Variants in FLCN observed in about 807,000 individuals in gnomAD.
FLCN encodes folliculin.
Under a neutral mutation model 62.5 loss-of-function variants are expected in FLCN, and 22 were observed. The observed-to-expected ratio is 0.35, with a 90% confidence interval of 0.25 to 0.50. FLCN has a LOEUF of 0.50. Among genes scored for constraint, FLCN ranks in the 20% least tolerant of loss-of-function variants. The probability of loss-of-function intolerance (pLI) is 0.97; values close to 1 mark genes in which losing one functional copy is unlikely to be tolerated. For synonymous variants in FLCN, 319 were observed against 310.0 expected (o/e 1.03, Z -0.30); for missense variants, 657 against 778.0 (o/e 0.84, Z 1.85).
Position 17,224,159 on chromosome 17 carries a change from C to T in FLCN, c.397-16G>A, listed in dbSNP as rs201100388. The T allele has an allele frequency of 5.4e-5, 84 of 1,561,706 alleles. No homozygotes were observed. The highest frequency in any genetic ancestry group is 1.1e-4 in the African/African-American group (8 of 73,950). ...CAGGGCAGACCTGGAGGGACACCGG[C>T]GACTCAGACAGCCCTTTCCTCGCTT... On this transcript the variant is annotated splice_polypyrimidine_tract_variant and intron_variant, in intron 5 of 13. Transcript: ENST00000285071.
Position 17,216,982 on chromosome 17 carries a change from G to T in FLCN, c.1176+87C>A. 1 of 976,610 alleles carries T rather than the reference G, an allele frequency of 1.0e-6. No individual in the cohort carries two copies. Among genetic ancestry groups the T allele is most frequent in the Admixed American group, 1.8e-5 (1 of 54,942 alleles). 60.5% of individuals were successfully genotyped at this position (976,610 alleles called of 1,614,324 possible). ...GTGCACAGCGGTTCTGTGCTGGGCA[G>T]TCGGTGCACCTTGGCATCCCCACCT... is the stretch of plus-strand genomic sequence containing the variant. On this transcript the variant is annotated intron_variant, in intron 10 of 13. Transcript: ENST00000285071. The surrounding 1 kb of genome is among the most constrained non-coding windows in gnomAD (Gnocchi z 4.0).
At chr17:17,233,896 G>A (rs982907072) in intron 1 of FLCN, among the ~76,000 whole-genome samples, 3 of 151,200 alleles carry the variant, frequency 2.0e-5, no homozygotes, top group African/African-American at 7.3e-5. Flanking sequence ...GCTAATTTTT[G>A]TATTTTAGTA....
chr17:17,216,735 C>T lies in FLCN; in HGVS notation c.1177-232G>A, dbSNP rs1048302335. On this transcript the variant is annotated intron_variant, in intron 10 of 13. Transcript: ENST00000285071. This position sits in a 1 kb window ranked among gnomAD's most constrained non-coding sequence, Gnocchi z 4.0. ...CCAGTCACACACCAGCTTGTACCGC[C>T]CCTCGCTCTGTGGTGTTAACTCATA... 1.3e-5 allele frequency among the ~76,000 whole-genome samples: 2 copies of T among 152,182 alleles called. No homozygotes were observed. The highest frequency in any genetic ancestry group is 4.8e-5 in the African/African-American group (2 of 41,438).
chr17:17,221,203 A>G (rs910376560), intron 8 of FLCN: 3 of 1,513,382 alleles, frequency 2.0e-6, no homozygotes, highest in South Asian at 1.3e-5. Flanking sequence ...AAAGGAGCAA[A>G]GACCGTCGAC....
chr17:17,220,842 A>C (rs1292132167), intron 8 of FLCN: 1 of 198,902 alleles, frequency 5.0e-6, no homozygotes. Context: ...GGCAAAGCTT[A>C]TTTGAGGGCA....
intron 8 of FLCN, 48 bp from the exon 9 acceptor site, chr17:17,219,257 C>A (rs749905878): frequency 1.3e-6 from 2 of 1,587,548 alleles, no homozygotes; most frequent in Non-Finnish European, 1.7e-6. Flanking sequence ...CAGTCTCATC[C>A]TGTGACTTCA....
At chr17:17,223,868 G>T in intron 6 of FLCN, 54 bp downstream of exon 6, 1 of 1,580,650 alleles carries the variant, frequency 6.3e-7, no homozygotes, top group Non-Finnish European at 8.7e-7. Context: ...AGCACAGAGC[G>T]GCTCATGCAG....
chr17:17,228,271 A>T, intron 3 of FLCN, 110 bp from the exon 4 acceptor site: 2 of 1,369,236 alleles, frequency 1.5e-6, no homozygotes, highest in Non-Finnish European at 9.8e-7. Context: ...CTTCCTGCCC[A>T]GGAGAGGCCA....
intron 13 of FLCN, among the ~76,000 whole-genome samples, 178 bp downstream of exon 13, chr17:17,214,807 T>C (rs1227907214): frequency 6.6e-6 from 1 of 152,042 alleles, no homozygotes; most frequent in East Asian, 1.9e-4. Flanking sequence ...GCAGACATGA[T>C]GACCGCCTCC....
Position 17,216,861 on chromosome 17 carries a change from G to T in FLCN, c.1176+208C>A. On this transcript the variant is annotated intron_variant, in intron 10 of 13. Coordinates refer to ENST00000285071, the MANE Select transcript of FLCN (RefSeq NM_144997.7). The surrounding 1 kb of genome is among the most constrained non-coding windows in gnomAD (Gnocchi z 4.0). Reference sequence around the variant, plus strand: ...CATTTTTGTTCCCTCTCAGGCCTGGGCAGTCAGCAGGCACACGCATCCTTC... The same window carrying T: ...CATTTTTGTTCCCTCTCAGGCCTGGTCAGTCAGCAGGCACACGCATCCTTC... 1 of 637,924 alleles carries T rather than the reference G, an allele frequency of 1.6e-6. No homozygotes were observed. 39.5% of individuals were successfully genotyped at this position (637,924 alleles called of 1,614,324 possible). A position where few individuals can be genotyped will look rare whatever the true frequency, so the allele number is the denominator to read the frequency against.
intron 4 of FLCN, among the ~76,000 whole-genome samples, chr17:17,226,825 T>C (rs897462884): frequency 1.3e-5 from 2 of 152,140 alleles, no homozygotes; most frequent in Admixed American, 6.5e-5. Context: ...AGCTCCAGGA[T>C]GTTGGTGTGG....
chr17:17,216,974 G>A lies in FLCN; in HGVS notation c.1176+95C>T. Reference sequence around the variant, plus strand: ...ACCGTGTGGTGCACAGCGGTTCTGTGCTGGGCAGTCGGTGCACCTTGGCAT... The same window carrying A: ...ACCGTGTGGTGCACAGCGGTTCTGTACTGGGCAGTCGGTGCACCTTGGCAT... On this transcript the variant is annotated intron_variant, in intron 10 of 13. Coordinates refer to ENST00000285071, the MANE Select transcript of FLCN (RefSeq NM_144997.7). The surrounding 1 kb of genome is among the most constrained non-coding windows in gnomAD (Gnocchi z 4.0). 1 of 912,402 alleles carries A rather than the reference G, an allele frequency of 1.1e-6. No homozygotes were observed. Among genetic ancestry groups the A allele is most frequent in the Non-Finnish European group, 1.8e-6 (1 of 555,814 alleles). 56.5% of individuals were successfully genotyped at this position (912,402 alleles called of 1,614,324 possible). A position where few individuals can be genotyped will look rare whatever the true frequency, so the allele number is the denominator to read the frequency against.
intron 7 of FLCN, 90 bp from the exon 8 acceptor site, chr17:17,221,718 G>T: frequency 7.3e-7 from 1 of 1,374,236 alleles, no homozygotes; most frequent in Non-Finnish European, 1.0e-6. Context: ...CCAGTTTAAA[G>T]AAAAAATGGG....
At chr17:17,223,134 C>A (rs538786554) in intron 6 of FLCN, 3 of 293,642 alleles carry the variant, frequency 1.0e-5, no homozygotes, top group South Asian at 1.0e-4. Flanking sequence ...CACTCTGTCG[C>A]CCAGGCTGGA....
intron 1 of FLCN, among the ~76,000 whole-genome samples, chr17:17,234,322 C>CT (rs2047518596): frequency 1.3e-5 from 2 of 151,582 alleles, no homozygotes; most frequent in East Asian, 4.0e-4. Flanking sequence ...AGCAATTCTC[C>CT]TGCCTCAGCT....
Position 17,217,299 on chromosome 17 carries a change from G to A in FLCN, c.1063-117C>T, listed in dbSNP as rs4985751. Reference sequence around the variant, plus strand: ...TGTAGAGCAAAGACAGGGCTCAGGAGAAAGACACTTATCTTCTCAGGGAGG... The same window carrying A: ...TGTAGAGCAAAGACAGGGCTCAGGAAAAAGACACTTATCTTCTCAGGGAGG... On this transcript the variant is annotated intron_variant, in intron 9 of 13. Transcript: ENST00000285071. The A allele has an allele frequency of 9.1e-3, 6,997 of 765,972 alleles. 98 individuals are homozygous for A. Among genetic ancestry groups the A allele is most frequent in the Admixed American group, 0.045 (2,271 of 50,030 alleles). 47.4% of individuals were successfully genotyped at this position (765,972 alleles called of 1,614,324 possible).
intron 1 of FLCN, among the ~76,000 whole-genome samples, chr17:17,235,171 T>G (rs928717692): frequency 1.4e-5 from 2 of 147,000 alleles, no homozygotes; most frequent in Non-Finnish European, 3.0e-5. Context: ...TCCCAGCTAC[T>G]GGGGAATCTG....
Position 17,213,129 on chromosome 17 carries a change from A to G in FLCN, c.*526T>C, listed in dbSNP as rs574547835. On this transcript the variant is annotated 3_prime_UTR_variant, in exon 14 of 14. Transcript: ENST00000285071. ...GAGGAAGAGATCCACTTCACTCCCC[A>G]AAGTCTCTTGCGGAGCCCTAACTCA... 1.4e-3 allele frequency: 380 copies of G among 281,140 alleles called. 3 individuals carry two copies. Among genetic ancestry groups the G allele is most frequent in the African/African-American group, 7.5e-3 (353 of 47,120 alleles). The allele number at this position is 281,140 out of a possible 1,614,324, so 17.4% of individuals were successfully genotyped here.
At chr17:17,223,436 C>T (rs117113606) in intron 6 of FLCN, among the ~76,000 whole-genome samples, 3 of 140,588 alleles carry the variant, frequency 2.1e-5, no homozygotes, top group South Asian at 2.2e-4. Flanking sequence ...CCTGCCAGGA[C>T]GACCACAGCA....
Sources: gnomAD v4.1 joint callset for allele counts (sites outside exome capture counted in the v4.1 genomes callset) on GRCh38, gnomAD v4.1.1 for gene constraint, Gnocchi (gnomAD v3.1) non-coding constraint, MANE v1.5 for transcripts, NCBI Gene and HGNC (gene_info 2026-07-23, HGNC 2026-07-21) for gene names.